MAPK10: variants seen among roughly 807,000 people sequenced by gnomAD.
MAPK10 encodes JNK3 alpha protein kinase.
MAPK10 carries 25 observed loss-of-function variants against 59.3 expected under a neutral mutation model. The ratio of observed to expected loss-of-function variants is 0.42; its 90% CI spans 0.31 to 0.59. The LOEUF is 0.59. Among genes scored for constraint, MAPK10 ranks in the 20% least tolerant of loss-of-function variants. The probability of loss-of-function intolerance (pLI) is 0.15; values close to 1 mark genes in which losing one functional copy is unlikely to be tolerated. For synonymous variants in MAPK10, 190 were observed against 200.5 expected, an observed-to-expected ratio of 0.95 and a Z score of 0.44; for missense variants, 351 against 568.9, an observed-to-expected ratio of 0.62 and a Z score of 3.90.
chr4:86,372,432 T>C (rs1738911036), intron 1 of MAPK10, among the ~76,000 whole-genome samples: 2 of 151,186 alleles, frequency 1.3e-5, no homozygotes, highest in East Asian at 2.0e-4. Flanking sequence ...CAGAGGAATC[T>C]CTTGAACCCA....
chr4:86,386,169 A>G (rs1741430653), intron 1 of MAPK10, among the ~76,000 whole-genome samples: 2 of 152,208 alleles, frequency 1.3e-5, no homozygotes, highest in Admixed American at 6.5e-5. Flanking sequence ...ACACAACACT[A>G]CATCTCTAGT....
intron 2 of MAPK10, among the ~76,000 whole-genome samples, chr4:86,347,455 TCAAA>T (rs1486831027): frequency 6.6e-6 from 1 of 152,120 alleles, no homozygotes; most frequent in East Asian, 1.9e-4. Context: ...TTGGGAACTC[TCAAA>T]CAGTGACAGC....
intron 3 of MAPK10, chr4:86,191,918 C>T (rs1266519073): frequency 6.6e-6 from 1 of 151,982 alleles, no homozygotes; most frequent in Non-Finnish European, 1.5e-5. Context: ...CCAACTGTTC[C>T]TTTCCGTATT....
intron 4 of MAPK10, among the ~76,000 whole-genome samples, chr4:86,139,356 C>A (rs867678588): frequency 6.6e-6 from 1 of 151,016 alleles, no homozygotes; most frequent in Non-Finnish European, 1.5e-5. Context: ...TGGAACAGAA[C>A]AGAGCCCTCA....
chr4:86,431,979 T>A (rs1464842342), intron 1 of MAPK10, among the ~76,000 whole-genome samples: 1 of 152,150 alleles, frequency 6.6e-6, no homozygotes, highest in Admixed American at 6.5e-5. Flanking sequence ...CGGTCTTTTA[T>A]TAGGAAGGAA....
intron 1 of MAPK10, among the ~76,000 whole-genome samples, chr4:86,487,458 G>A (rs918261971): frequency 1.3e-5 from 2 of 151,826 alleles, no homozygotes; most frequent in African/African-American, 2.4e-5. Flanking sequence ...GGCCGGGTGC[G>A]GTGGCTCACA....
At chr4:86,273,129 C>T (rs2094480669) in intron 2 of MAPK10, among the ~76,000 whole-genome samples, 1 of 151,998 alleles carries the variant, frequency 6.6e-6, no homozygotes, top group African/African-American at 2.4e-5. Context: ...TTGAAATCTG[C>T]AATTTCTTTT....
chr4:86,206,610 A>C (rs1205329148), intron 2 of MAPK10, among the ~76,000 whole-genome samples: 1 of 152,166 alleles, frequency 6.6e-6, no homozygotes, highest in African/African-American at 2.4e-5. Flanking sequence ...AGATCCCTGA[A>C]GAATCACCAC....
chr4:86,066,053 C>G (rs2046674693), intron 10 of MAPK10, among the ~76,000 whole-genome samples: 1 of 152,044 alleles, frequency 6.6e-6, no homozygotes. Flanking sequence ...ATTAACCATA[C>G]TATAGTTAAA....
chr4:86,023,237 T>C (rs1748283549), intron 13 of MAPK10, among the ~76,000 whole-genome samples: 1 of 152,230 alleles, frequency 6.6e-6, no homozygotes, highest in Non-Finnish European at 1.5e-5. Flanking sequence ...AGAAATCAAT[T>C]GATCATAAAT....
intron 1 of MAPK10, among the ~76,000 whole-genome samples, chr4:86,474,068 TC>T (rs1448367953): frequency 1.3e-5 from 2 of 152,220 alleles, no homozygotes; most frequent in East Asian, 3.8e-4. Context: ...ACAAATGGGA[TC>T]ATGCACCACA....
In MAPK10 at chr4:86,064,301, T is replaced by C; in HGVS notation, c.1075A>G (p.Ile359Val). 1 of 1,614,190 alleles carries C rather than the reference T, an allele frequency of 6.2e-7. No homozygotes were observed. The highest frequency in any genetic ancestry group is 8.5e-7 in the Non-Finnish European group (1 of 1,180,018). ...SVDDALQHPY[I>V]NVWYDPAEVE... ...TCGGCTGGGTCATACCAGACGTTGA[T>C]GTAGGGATGCTGTAAGGCGTCGTCC... Residue 359 changes from isoleucine to valine, a missense_variant, in exon 11 of 14, where the codon ATC becomes GTC. Transcript: ENST00000641462.
intron 2 of MAPK10, chr4:86,220,024 T>C (rs1374752852): frequency 6.6e-6 from 1 of 152,188 alleles, no homozygotes; most frequent in African/African-American, 2.4e-5. Context: ...TGTTTACACA[T>C]TTTATCCACA....
intron 2 of MAPK10, among the ~76,000 whole-genome samples, chr4:86,243,790 T>C (rs150461565): frequency 2.5e-3 from 369 of 147,160 alleles, no homozygotes; most frequent in African/African-American, 9.1e-3. Context: ...AGTTTGTCGA[T>C]AGCTAGCACT....
intron 2 of MAPK10, among the ~76,000 whole-genome samples, chr4:86,294,540 A>G (rs2095309012): frequency 6.6e-6 from 1 of 152,162 alleles, no homozygotes; most frequent in African/African-American, 2.4e-5. Flanking sequence ...AAAGAAAAAA[A>G]AAAAAGAAAA....
chr4:86,416,345 T>C (rs1162189079), intron 1 of MAPK10, among the ~76,000 whole-genome samples: 1 of 152,240 alleles, frequency 6.6e-6, no homozygotes, highest in Admixed American at 6.5e-5. Context: ...TCCCCGACTC[T>C]GGTATTTTGC....
intron 2 of MAPK10, among the ~76,000 whole-genome samples, chr4:86,207,485 C>T (rs1268651352): frequency 6.6e-6 from 1 of 152,126 alleles, no homozygotes; most frequent in Non-Finnish European, 1.5e-5. Flanking sequence ...TAGCGTGATG[C>T]CTCCCGTTTT....
At chr4:86,123,734 G>A (rs192179846) in intron 4 of MAPK10, 3 of 152,050 alleles carry the variant, frequency 2.0e-5, no homozygotes, top group East Asian at 1.9e-4. Flanking sequence ...TCTTCCACAT[G>A]TACTTACTTT....
intron 1 of MAPK10, among the ~76,000 whole-genome samples, chr4:86,399,179 A>C (rs1471213839): frequency 2.6e-5 from 4 of 152,184 alleles, no homozygotes; most frequent in Non-Finnish European, 2.9e-5. Context: ...AGAAATCTCT[A>C]AACCGTTTTC....
Sources: gnomAD v4.1 joint callset for allele counts (sites outside exome capture counted in the v4.1 genomes callset) on GRCh38, gnomAD v4.1.1 for gene constraint, MANE v1.5 for transcripts, NCBI Gene and HGNC (gene_info 2026-07-23, HGNC 2026-07-21) for gene names.